LRGUK: variants seen among roughly 807,000 people sequenced by gnomAD.
LRGUK encodes leucine-rich repeat and guanylate kinase domain-containing protein.
LRGUK carries 65 observed loss-of-function variants against 76.0 expected under a neutral mutation model. That is an observed-to-expected ratio of 0.85 (90% CI 0.70 to 1.05). The LOEUF is 1.05. Ranked by LOEUF, LRGUK falls within the 50% of genes least tolerant of loss-of-function variation. The probability of loss-of-function intolerance (pLI) is 0.00; values close to 1 mark genes in which losing one functional copy is unlikely to be tolerated. For missense variants in LRGUK, 758 were observed against 732.8 expected (o/e 1.03, Z -0.40); for synonymous variants, 268 against 265.6 (o/e 1.01, Z -0.09).
exon 16 of LRGUK, chr7:134,210,225 C>T: frequency 2.5e-6 from 1 of 399,112 alleles, no homozygotes; most frequent in Admixed American, 4.4e-5. Context: ...GATCCCAACC[C>T]CAGCCCTCCT....
intron 8 of LRGUK, among the ~76,000 whole-genome samples, chr7:134,175,361 T>C (rs1385561957): frequency 1.3e-5 from 2 of 152,206 alleles, no homozygotes; most frequent in African/African-American, 2.4e-5. Context: ...TGTATCTTGA[T>C]GAACATGTCT....
intron 7 of LRGUK, among the ~76,000 whole-genome samples, chr7:134,168,428 CCCAGATTTG>C (rs1379539923): frequency 6.6e-6 from 1 of 152,124 alleles, no homozygotes; most frequent in Non-Finnish European, 1.5e-5. Flanking sequence ...CTCAGGAATA[CCCAGATTTG>C]CCTCCCTTCT....
At chr7:134,258,210 C>T (rs748497286) in intron 18 of LRGUK, 47 bp from the exon 19 acceptor site, 15 of 1,610,312 alleles carry the variant, frequency 9.3e-6, no homozygotes, top group Admixed American at 3.3e-5. Context: ...CCATTAGTAG[C>T]GAATAGTTTG....
At chr7:134,261,601 AC>A (rs1231976442) in intron 19 of LRGUK, among the ~76,000 whole-genome samples, 4 of 152,222 alleles carry the variant, frequency 2.6e-5, no homozygotes, top group Admixed American at 2.6e-4. Context: ...GGGAAAGTCC[AC>A]TACTATGTGA....
At position 134,221,776 on chromosome 7, in the gene LRGUK, CA is replaced by C; in HGVS notation, c.1844-2del. ...TTTAAACTTTATTTTTTTTTCCTAC[CA>C]GATGTTAAGACATCCCACCTGAAAC... On this transcript the variant is annotated splice_acceptor_variant, in intron 15 of 19. Coordinates refer to the LRGUK transcript ENST00000285928. LOFTEE classifies it high-confidence loss of function. 1 of 1,477,394 alleles carries C rather than the reference CA, an allele frequency of 6.8e-7. No individual in the cohort carries two copies. Among genetic ancestry groups the C allele is most frequent in the Non-Finnish European group, 8.9e-7 (1 of 1,118,596 alleles). 91.5% of individuals were successfully genotyped at this position (1,477,394 alleles called of 1,614,324 possible).
rs376622972 is a variant in LRGUK, at chr7:134,263,919, C to T, written c.2422C>T (p.Arg808Cys). 68 of 1,612,860 alleles carry T rather than the reference C, an allele frequency of 4.2e-5. No homozygotes were observed. The highest frequency in any genetic ancestry group is 3.9e-4 in the African/African-American group (29 of 74,966). ...ACAACACTCGGTCCCAGTCATCAGTCGCCCAGGTTCCAACGTCAAACCCAC... is the reference window on the plus strand; with the variant it reads ...ACAACACTCGGTCCCAGTCATCAGTTGCCCAGGTTCCAACGTCAAACCCAC... Residue 808 changes from arginine (R) to cysteine (C), a missense_variant, in exon 20 of 20, where the codon CGC (arginine) becomes TGC (cysteine). Physicochemically the swap from Arg to Cys is radical, Grantham distance 180. Coordinates refer to the LRGUK transcript ENST00000285928.
intron 3 of LRGUK, 70 bp downstream of exon 3, chr7:134,139,587 G>T: frequency 1.1e-6 from 1 of 901,872 alleles, no homozygotes; most frequent in South Asian, 1.5e-5. Flanking sequence ...ATGTAATATG[G>T]TTTAATAATG....
intron 6 of LRGUK, among the ~76,000 whole-genome samples, chr7:134,161,210 A>C (rs139744480): frequency 1.1e-3 from 163 of 152,332 alleles, no homozygotes; most frequent in African/African-American, 3.7e-3. Flanking sequence ...CTTTAGAAAG[A>C]AATATATTGT....
chr7:134,179,887 A>G (rs1038770099), intron 10 of LRGUK, among the ~76,000 whole-genome samples: 3 of 152,086 alleles, frequency 2.0e-5, no homozygotes, highest in South Asian at 4.2e-4. Context: ...CCAGTACACA[A>G]CTCTCTGTCA....
At chr7:134,181,393 C>CT (rs148882118) in intron 10 of LRGUK, among the ~76,000 whole-genome samples, 161 of 145,224 alleles carry the variant, frequency 1.1e-3, no homozygotes, top group African/African-American at 2.7e-3. Context: ...ATGTAATGTG[C>CT]TTTTTTTTTT....
intron 1 of LRGUK, among the ~76,000 whole-genome samples, chr7:134,129,295 CTCTT>C (rs1379418595): frequency 3.9e-5 from 5 of 128,742 alleles, no homozygotes; most frequent in South Asian, 3.1e-4. Flanking sequence ...CACTCTGTCT[CTCTT>C]TCTTTCTTTC....
At chr7:134,271,655 A>T in the LRGUK span, among the ~76,000 whole-genome samples, 1 of 151,920 alleles carries the variant, frequency 6.6e-6, no homozygotes, top group African/African-American at 2.4e-5. Context: ...AAATTTGAGG[A>T]GGTTTCTCTT....
Position 134,145,392 on chromosome 7 carries a change from C to T in LRGUK, c.588+2230C>T, listed in dbSNP as rs1797926755. ...CCTCCCGAGTAGCTGGGATTATAGG[C>T]ATAAGCCACTACACCTGGCTAATTT... is the stretch of plus-strand genomic sequence containing the variant. On this transcript the variant is annotated intron_variant, in intron 4 of 15. Coordinates refer to ENST00000645682, the Ensembl canonical transcript of LRGUK. Among the ~76,000 whole-genome samples the T allele has an allele frequency of 1.3e-5, 2 of 152,100 alleles. 1 individual carries two copies. The highest frequency in any genetic ancestry group is 2.9e-5 in the Non-Finnish European group (2 of 68,014).
chr7:134,177,078 C>G lies in LRGUK; in HGVS notation c.1107+15C>G, dbSNP rs1799514878. The G allele has an allele frequency of 3.3e-6, 5 of 1,502,164 alleles. No individual in the cohort carries two copies. Among genetic ancestry groups the G allele is most frequent in the Non-Finnish European group, 4.6e-6 (5 of 1,086,416 alleles). 93.1% of individuals were successfully genotyped at this position (1,502,164 alleles called of 1,614,324 possible). A position where few individuals can be genotyped will look rare whatever the true frequency, so the allele number is the denominator to read the frequency against. On this transcript the variant is annotated intron_variant, in intron 9 of 15. Coordinates refer to ENST00000645682, the Ensembl canonical transcript of LRGUK. ...TGGAAGAAAAGGTATGTAATCATGT[C>G]ATAACATTACCATTGTGTTATTGGG...
chr7:134,269,464 T>C (rs1285699691), downstream of LRGUK, among the ~76,000 whole-genome samples: 1 of 150,358 alleles, frequency 6.7e-6, no homozygotes. Context: ...GCAACCCTCC[T>C]GCCTCAGCCT....
At chr7:134,276,036 C>T in the LRGUK span, among the ~76,000 whole-genome samples, 2 of 152,166 alleles carry the variant, frequency 1.3e-5, no homozygotes, top group Non-Finnish European at 2.9e-5. Flanking sequence ...GACCCTAAGA[C>T]CTTAAGTCAA....
chr7:134,261,757 C>G (rs533238201), intron 19 of LRGUK, among the ~76,000 whole-genome samples: 2 of 152,186 alleles, frequency 1.3e-5, no homozygotes, highest in Non-Finnish European at 1.5e-5. Flanking sequence ...ATGCTTTTGG[C>G]TTTGTGGGCC....
intron 7 of LRGUK, among the ~76,000 whole-genome samples, chr7:134,170,864 C>T (rs555734149): frequency 6.6e-6 from 1 of 152,236 alleles, no homozygotes; most frequent in South Asian, 2.1e-4. Flanking sequence ...TACAGAAATA[C>T]TTTCTGAAGT....
chr7:134,220,492 G>T (rs1355100359), intron 15 of LRGUK, among the ~76,000 whole-genome samples: 1 of 152,078 alleles, frequency 6.6e-6, no homozygotes, highest in Non-Finnish European at 1.5e-5. Context: ...TCTGTCCCCA[G>T]GCAAAGTCCC....
Sources: gnomAD v4.1 joint callset for allele counts (sites outside exome capture counted in the v4.1 genomes callset) on GRCh38, gnomAD v4.1.1 for gene constraint, MANE v1.5 for transcripts, NCBI Gene and HGNC (gene_info 2026-07-23, HGNC 2026-07-21) for gene names.